ZBTB7C: variants seen among roughly 807,000 people sequenced by gnomAD.
ZBTB7C encodes the protein zinc finger and BTB domain-containing protein 7C.
Under a neutral mutation model 25.7 loss-of-function variants are expected in ZBTB7C, and 8 were observed. The observed-to-expected ratio is 0.31, with a 90% confidence interval of 0.18 to 0.56. The LOEUF is 0.56. Ranked by LOEUF, ZBTB7C falls within the 20% of genes least tolerant of loss-of-function variation. ZBTB7C has a pLI of 0.91. For missense variants in ZBTB7C, 824 were observed against 855.2 expected (o/e 0.96, Z 0.46); for synonymous variants, 394 against 369.0 (o/e 1.07, Z -0.78).
intron 3 of ZBTB7C, among the ~76,000 whole-genome samples, chr18:48,133,424 G>A (rs915083944): frequency 6.6e-6 from 1 of 152,232 alleles, no homozygotes; most frequent in Admixed American, 6.5e-5. Flanking sequence ...CAGTGGGAAA[G>A]TGAAATTATG....
intron 3 of ZBTB7C, among the ~76,000 whole-genome samples, chr18:48,075,861 C>A (rs1404208553): frequency 6.6e-6 from 1 of 152,182 alleles, no homozygotes; most frequent in African/African-American, 2.4e-5. Flanking sequence ...GTTGAAGATG[C>A]CCCATCCTCC....
At chr18:48,251,287 T>A (rs566851237) in intron 2 of ZBTB7C, among the ~76,000 whole-genome samples, 57 of 152,264 alleles carry the variant, frequency 3.7e-4, no homozygotes, top group African/African-American at 1.3e-3. Flanking sequence ...ACAAGTCTAT[T>A]ATAGCATATA....
intron 2 of ZBTB7C, among the ~76,000 whole-genome samples, chr18:48,259,053 G>A (rs759278539): frequency 2.0e-5 from 3 of 152,166 alleles, no homozygotes; most frequent in African/African-American, 4.8e-5. Flanking sequence ...AGGTTTAAGC[G>A]ATTCTCAGAC....
At chr18:48,331,983 G>A (rs1051477030) in intron 2 of ZBTB7C, among the ~76,000 whole-genome samples, 5 of 152,096 alleles carry the variant, frequency 3.3e-5, no homozygotes, top group South Asian at 4.1e-4. Context: ...ATCATATCAT[G>A]TTGTCTGAAT....
At chr18:48,175,200 G>GA (rs1192057835) in intron 3 of ZBTB7C, among the ~76,000 whole-genome samples, 5 of 152,290 alleles carry the variant, frequency 3.3e-5, no homozygotes, top group African/African-American at 7.2e-5. Flanking sequence ...CTGAAGGACA[G>GA]AAAAAATCAG....
At chr18:48,244,506 C>T (rs557970318) in intron 2 of ZBTB7C, among the ~76,000 whole-genome samples, 1 of 152,222 alleles carries the variant, frequency 6.6e-6, no homozygotes, top group East Asian at 1.9e-4. Flanking sequence ...AAACAGACAA[C>T]CCACAGAGTG....
At chr18:48,046,919 C>T (rs1319846275) in intron 3 of ZBTB7C, among the ~76,000 whole-genome samples, 4 of 152,188 alleles carry the variant, frequency 2.6e-5, no homozygotes, top group Admixed American at 2.0e-4. Flanking sequence ...GGGGACAGAA[C>T]CCACCCTGTG....
At chr18:48,160,392 A>T (rs1053936607) in intron 3 of ZBTB7C, among the ~76,000 whole-genome samples, 4 of 152,238 alleles carry the variant, frequency 2.6e-5, no homozygotes, top group African/African-American at 9.6e-5. Flanking sequence ...ATTAAAGCAC[A>T]GTATAACAGC....
At chr18:48,367,347 C>CATAT (rs58569472) in intron 1 of ZBTB7C, among the ~76,000 whole-genome samples, 5,232 of 44,580 alleles carry the variant, frequency 0.12, 279 homozygotes, top group Admixed American at 0.2. Flanking sequence ...TATATGTGTG[C>CATAT]ATATATATAT....
chr18:48,065,387 G>A lies in ZBTB7C; in HGVS notation c.-16-24264C>T, dbSNP rs557901178. On this transcript the variant is annotated intron_variant, in intron 3 of 4. Transcript: ENST00000590800. Reference sequence around the variant, plus strand: ...CACGCCTGAGAAAGCCCATAGTATAGAAACCTGTTTAACTTTGTTTAACTC... The same window carrying A: ...CACGCCTGAGAAAGCCCATAGTATAAAAACCTGTTTAACTTTGTTTAACTC... 2.9e-4 allele frequency among the ~76,000 whole-genome samples: 44 copies of A among 152,142 alleles called. No individual in the cohort carries two copies. In the East Asian group the frequency reaches 8.5e-3, roughly 29 times the overall value.
intron 1 of ZBTB7C, among the ~76,000 whole-genome samples, chr18:48,365,969 T>G (rs2047213554): frequency 6.6e-6 from 1 of 152,222 alleles, no homozygotes; most frequent in Admixed American, 6.5e-5. Flanking sequence ...GGGGCAAGAC[T>G]GTTGGCCAAT....
chr18:48,198,940 ACAT>A (rs1226155460), intron 2 of ZBTB7C, among the ~76,000 whole-genome samples: 1 of 152,330 alleles, frequency 6.6e-6, no homozygotes, highest in Admixed American at 6.5e-5. Flanking sequence ...CATTGGAGGC[ACAT>A]CATCTGAGCC....
intron 3 of ZBTB7C, among the ~76,000 whole-genome samples, chr18:48,042,151 G>A (rs181540424): frequency 7.9e-5 from 12 of 152,230 alleles, no homozygotes; most frequent in Non-Finnish European, 1.0e-4. Flanking sequence ...AGAGAATATA[G>A]TCATGGGTTG....
chr18:48,388,501 A>G (rs903066059), intron 1 of ZBTB7C, among the ~76,000 whole-genome samples: 3 of 152,236 alleles, frequency 2.0e-5, no homozygotes, highest in Admixed American at 2.0e-4. Flanking sequence ...GTATTTTCAA[A>G]ATATTGCAGT....
Position 48,196,560 on chromosome 18 carries a change from A to G in ZBTB7C, c.-78-10565T>C, listed in dbSNP as rs77021625. On this transcript the variant is annotated intron_variant, in intron 2 of 4. Transcript: ENST00000590800. The stretch of plus-strand genomic sequence containing the variant: ...CCTCCTGAGGCTAGGTTTATGTCCA[A>G]TTGTGTCACCGCTGTGCACATGTCC... Among the ~76,000 whole-genome samples the G allele has an allele frequency of 3.3e-5, 5 of 152,170 alleles. No individual in the cohort carries two copies. The East Asian group carries it at 7.7e-4, about 24-fold the overall frequency.
chr18:48,246,919 C>A (rs1343928245), intron 2 of ZBTB7C, among the ~76,000 whole-genome samples: 1 of 152,062 alleles, frequency 6.6e-6, no homozygotes, highest in Non-Finnish European at 1.5e-5. Context: ...GGACCATGAG[C>A]ACAGATAGGT....
intron 3 of ZBTB7C, among the ~76,000 whole-genome samples, chr18:48,099,318 T>A (rs1427189124): frequency 6.6e-6 from 1 of 152,240 alleles, no homozygotes; most frequent in East Asian, 1.9e-4. Context: ...TGTTGTCTCA[T>A]CTTTCAGACA....
chr18:48,029,615 T>A lies in ZBTB7C; in HGVS notation c.1505A>T (p.Lys502Met). ...CGCAGGGGGCATCACGAAGGCCGCC[T>A]TGTCGGGGGCCGGGCCGCCGGGCCC... ...LFGPGGPAPD[K>M]AAFVMPPALG... Residue 502 changes from lysine to methionine, a missense_variant, in exon 5 of 5, where the codon AAG becomes ATG. Coordinates refer to ENST00000590800, the MANE Select transcript of ZBTB7C (RefSeq NM_001318841.2). 6.7e-7 allele frequency: 1 copy of A among 1,490,442 alleles called. No individual in the cohort carries two copies. Among genetic ancestry groups the A allele is most frequent in the Non-Finnish European group, 8.8e-7 (1 of 1,130,984 alleles). 92.3% of individuals were successfully genotyped at this position (1,490,442 alleles called of 1,614,324 possible).
chr18:48,136,960 A>C lies in ZBTB7C; in HGVS notation c.-17+48974T>G, dbSNP rs1315483916. On this transcript the variant is annotated intron_variant, in intron 3 of 4. Coordinates refer to ENST00000590800, the MANE Select transcript of ZBTB7C (RefSeq NM_001318841.2). ...ACGGCCCGGCCGCTGGGCTCCCCAG[A>C]GCCCCGATCCTAGCCCAGAGGCGGG... 4.1e-6 allele frequency: 4 copies of C among 965,292 alleles called. No individual in the cohort carries two copies. The African/African-American group carries it at 5.3e-5, about 13-fold the overall frequency. The allele number at this position is 965,292 out of a possible 1,614,324, so 59.8% of individuals were successfully genotyped here.
Sources: allele counts gnomAD v4.1 joint callset (sites outside exome capture counted in the v4.1 genomes callset), GRCh38; gene constraint gnomAD v4.1.1; transcripts MANE v1.5; gene names NCBI Gene and HGNC (gene_info 2026-07-23, HGNC 2026-07-21).